The following GRAMD1B variants were observed in gnomAD, a reference collection of about 807,000 sequenced individuals.
The protein encoded by GRAMD1B is GRAM domain containing 1B.
A neutral mutation model predicts 99.7 loss-of-function variants in GRAMD1B; 37 were observed. The ratio of observed to expected loss-of-function variants is 0.37; its 90% confidence interval spans 0.29 to 0.49. GRAMD1B has a LOEUF of 0.49. Ranked by LOEUF, GRAMD1B falls within the 20% of genes least tolerant of loss-of-function variation. The pLI is 0.98. For missense variants in GRAMD1B, 888 were observed against 1,009.2 expected (o/e 0.88, Z 1.63); for synonymous variants, 427 against 387.6 (o/e 1.10, Z -1.19).
chr11:123,511,629 T>C (rs1941033336), intron 2 of GRAMD1B, among the ~76,000 whole-genome samples: 2 of 152,058 alleles, frequency 1.3e-5, no homozygotes, highest in Admixed American at 1.3e-4. Flanking sequence ...AGCCCTTCAT[T>C]TGGGAGCCTT....
chr11:123,596,023 A>G lies in GRAMD1B; in HGVS notation c.955A>G (p.Thr319Ala). The change falls in exon 7 of 20, where the codon ACT becomes GCT. Residue 319 changes from threonine to alanine, a missense_variant. Physicochemically the swap from Thr to Ala is moderately conservative, Grantham distance 58 (BLOSUM62 0). Coordinates refer to ENST00000635736, the MANE Select transcript of GRAMD1B (RefSeq NM_001387025.1). ...RLIPNAIQVC[T>A]DSEKHFFTSF... ...CATTCCCAATGCCATCCAAGTTTGC[A>G]CTGATTCAGAAAAGGTAAGTGGAGT... 1 of 1,596,706 alleles carries G rather than the reference A, an allele frequency of 6.3e-7. No individual in the cohort carries two copies. The highest frequency in any genetic ancestry group is 8.6e-7 in the Non-Finnish European group (1 of 1,167,266).
intron 1 of GRAMD1B, among the ~76,000 whole-genome samples, chr11:123,388,149 A>T (rs1164276892): frequency 1.3e-5 from 2 of 150,526 alleles, no homozygotes; most frequent in African/African-American, 5.0e-5. Context: ...AAAAAAAAAA[A>T]ATAGCTATGG....
At chr11:123,407,342 G>C (rs191013254) in intron 1 of GRAMD1B, among the ~76,000 whole-genome samples, 1 of 151,620 alleles carries the variant, frequency 6.6e-6, no homozygotes, top group Admixed American at 6.6e-5. Flanking sequence ...AAAAGCTTCC[G>C]TTTTGGCTTC....
At chr11:123,425,106 A>C (rs1948601413) in intron 1 of GRAMD1B, among the ~76,000 whole-genome samples, 1 of 152,178 alleles carries the variant, frequency 6.6e-6, no homozygotes, top group African/African-American at 2.4e-5. Context: ...TATTTACTTA[A>C]TTTTTCAGAT....
intron 7 of GRAMD1B, among the ~76,000 whole-genome samples, chr11:123,597,129 C>CT (rs35382306): frequency 0.036 from 4,988 of 137,066 alleles, 153 homozygotes; most frequent in African/African-American, 0.08. Context: ...AGTCCAACTC[C>CT]TTTTTTTTTT....
At chr11:123,531,881 A>G (rs999141200) in intron 2 of GRAMD1B, among the ~76,000 whole-genome samples, 68 of 151,934 alleles carry the variant, frequency 4.5e-4, no homozygotes, top group African/African-American at 1.6e-3. Context: ...GATTACAGGC[A>G]TGCACCACCA....
At chr11:123,468,083 T>C (rs1447719549) in intron 1 of GRAMD1B, among the ~76,000 whole-genome samples, 2 of 152,000 alleles carry the variant, frequency 1.3e-5, no homozygotes, top group East Asian at 3.9e-4. Flanking sequence ...AGGATGGTCT[T>C]AATCTCTTGA....
At chr11:123,377,513 G>T (rs2135767619) in intron 1 of GRAMD1B, among the ~76,000 whole-genome samples, 1 of 152,284 alleles carries the variant, frequency 6.6e-6, no homozygotes, top group East Asian at 1.9e-4. Flanking sequence ...AGGGGTCTGT[G>T]ATGCACAGGA....
chr11:123,401,255 C>G (rs908905631), intron 1 of GRAMD1B, among the ~76,000 whole-genome samples: 1 of 46,928 alleles, frequency 2.1e-5, no homozygotes, highest in Non-Finnish European at 4.3e-5. Context: ...CTTTGCCCCT[C>G]CCTCTGTCCC....
chr11:123,449,077 A>G (rs1227339130), intron 1 of GRAMD1B, among the ~76,000 whole-genome samples: 5 of 152,166 alleles, frequency 3.3e-5, no homozygotes, highest in Non-Finnish European at 7.3e-5. Context: ...TTCCTTTTTC[A>G]TAACACTGAC....
chr11:123,601,401 A>AC (rs1951948153), intron 8 of GRAMD1B, among the ~76,000 whole-genome samples: 1 of 151,438 alleles, frequency 6.6e-6, no homozygotes, highest in Non-Finnish European at 1.5e-5. Flanking sequence ...AAAAAAAAAA[A>AC]GTTCCCACTC....
chr11:123,548,315 T>G (rs375054360), intron 2 of GRAMD1B, among the ~76,000 whole-genome samples: 1 of 91,188 alleles, frequency 1.1e-5, no homozygotes, highest in Admixed American at 1.1e-4. Context: ...TATATATATA[T>G]ATATATATAT....
At chr11:123,499,347 C>G (rs573328274) in intron 2 of GRAMD1B, among the ~76,000 whole-genome samples, 5 of 152,140 alleles carry the variant, frequency 3.3e-5, no homozygotes, top group Non-Finnish European at 5.9e-5. Flanking sequence ...CAGAACTATA[C>G]GAAATAAATT....
In GRAMD1B at chr11:123,610,956, C is replaced by A. The variant is rs897392675; in HGVS notation, c.1919+618C>A. ...TTCCAAAGGAAGGAAGACATTTAGA[C>A]CCTGACATTTTAAGAAACTTGTAGT... On this transcript the variant is annotated intron_variant, in intron 14 of 19. Transcript: ENST00000635736. The surrounding 1 kb of genome is among the most constrained non-coding windows in gnomAD (Gnocchi z 4.1). Among the ~76,000 whole-genome samples, 1 of 152,192 alleles carries A rather than the reference C, an allele frequency of 6.6e-6. No individual in the cohort carries two copies. The highest frequency in any genetic ancestry group is 2.4e-5 in the African/African-American group (1 of 41,440).
intron 2 of GRAMD1B, among the ~76,000 whole-genome samples, chr11:123,514,099 G>T (rs150014950): frequency 6.6e-6 from 1 of 152,202 alleles, no homozygotes; most frequent in Non-Finnish European, 1.5e-5. Context: ...CACAATCGCC[G>T]TGAAGAGTTG....
At chr11:123,404,294 C>A (rs1026698032) in intron 1 of GRAMD1B, among the ~76,000 whole-genome samples, 3 of 152,140 alleles carry the variant, frequency 2.0e-5, no homozygotes, top group African/African-American at 7.2e-5. Flanking sequence ...AAACAGTAAT[C>A]TTCTATCATT....
rs144711544 is a variant in GRAMD1B, at chr11:123,614,518, GATTTTCTC to G, written c.2228-222_2228-215del. ...TGTATCCTAGCTACATGGGCCTGTT[GATTTTCTC>G]ATTTGTTCAATGATGACCTGACCCA... is the stretch of plus-strand genomic sequence containing the variant. On this transcript the variant is annotated intron_variant, in intron 16 of 19. Coordinates refer to ENST00000635736, the MANE Select transcript of GRAMD1B (RefSeq NM_001387025.1). Among the ~76,000 whole-genome samples the G allele has an allele frequency of 8.8e-3, 1,340 of 152,254 alleles. 8 individuals carry two copies. Among genetic ancestry groups the G allele is most frequent in the South Asian group, 0.03 (143 of 4,826 alleles).
At chr11:123,420,311 T>C (rs1055141648) in intron 1 of GRAMD1B, among the ~76,000 whole-genome samples, 6 of 152,248 alleles carry the variant, frequency 3.9e-5, no homozygotes, top group African/African-American at 1.4e-4. Flanking sequence ...CCCTGATGAC[T>C]CATCTCAGAT....
intron 4 of GRAMD1B, among the ~76,000 whole-genome samples, chr11:123,586,503 G>T (rs1056445203): frequency 6.6e-6 from 1 of 152,228 alleles, no homozygotes; most frequent in African/African-American, 2.4e-5. Flanking sequence ...AGTGTGTGGG[G>T]CGGTCCTCTC....
Sources: gnomAD v4.1 joint callset for allele counts (sites outside exome capture counted in the v4.1 genomes callset) on GRCh38, gnomAD v4.1.1 for gene constraint, Gnocchi (gnomAD v3.1) non-coding constraint, MANE v1.5 for transcripts, NCBI Gene and HGNC (gene_info 2026-07-23, HGNC 2026-07-21) for gene names.